The following PABPC4L variants were observed in gnomAD, a reference collection of about 807,000 sequenced individuals.
The protein encoded by PABPC4L is polyadenylate-binding protein 4-like.
For missense variants in PABPC4L, 452 were observed against 451.4 expected, an observed-to-expected ratio of 1.00 and a Z score of -0.01; for synonymous variants, 169 against 164.1, an observed-to-expected ratio of 1.03 and a Z score of -0.23.
At chr4:134,147,183 TAGAA>T in the PABPC4L span, among the ~76,000 whole-genome samples, 1 of 152,162 alleles carries the variant, frequency 6.6e-6, no homozygotes, top group African/African-American at 2.4e-5. Flanking sequence ...CAGCTTGTGT[TAGAA>T]AGCAACAACT....
chr4:133,985,439 A>C, the PABPC4L span, among the ~76,000 whole-genome samples: 1 of 152,046 alleles, frequency 6.6e-6, no homozygotes, highest in African/African-American at 2.4e-5. Context: ...TACCAGTATA[A>C]GAAGTTTCTC....
chr4:134,025,974 C>T, the PABPC4L span, among the ~76,000 whole-genome samples: 1 of 152,102 alleles, frequency 6.6e-6, no homozygotes, highest in Non-Finnish European at 1.5e-5. Flanking sequence ...AAAAGTAATA[C>T]ATTTTTCCAC....
chr4:134,126,467 A>G, the PABPC4L span, among the ~76,000 whole-genome samples: 1 of 152,002 alleles, frequency 6.6e-6, no homozygotes, highest in Non-Finnish European at 1.5e-5. Flanking sequence ...TAAATTCTTG[A>G]CTTCTTCAAA....
chr4:134,170,519 G>A, the PABPC4L span, among the ~76,000 whole-genome samples: 1 of 152,230 alleles, frequency 6.6e-6, no homozygotes, highest in Non-Finnish European at 1.5e-5. Context: ...CATCTGCTCA[G>A]GTTCTGGTGT....
chr4:134,020,166 G>A, the PABPC4L span, among the ~76,000 whole-genome samples: 6 of 152,050 alleles, frequency 3.9e-5, no homozygotes, highest in Non-Finnish European at 8.8e-5. Context: ...GGGTGAGTCC[G>A]CAGTGCAAAG....
chr4:134,050,822 A>T, the PABPC4L span, among the ~76,000 whole-genome samples: 1 of 151,164 alleles, frequency 6.6e-6, no homozygotes, highest in Non-Finnish European at 1.5e-5. Flanking sequence ...ACAAGCTATG[A>T]GTAGAAAAAT....
At chr4:134,175,418 A>AT in the PABPC4L span, among the ~76,000 whole-genome samples, 1 of 151,734 alleles carries the variant, frequency 6.6e-6, no homozygotes, top group Non-Finnish European at 1.5e-5. Flanking sequence ...AATTTAATTT[A>AT]TTTTTTAAAT....
the PABPC4L span, among the ~76,000 whole-genome samples, chr4:133,967,947 C>T: frequency 1.3e-5 from 2 of 152,100 alleles, no homozygotes; most frequent in African/African-American, 4.8e-5. Context: ...TAGAATACCC[C>T]CTTTCTCTGG....
At chr4:134,074,124 T>G in the PABPC4L span, among the ~76,000 whole-genome samples, 1 of 152,208 alleles carries the variant, frequency 6.6e-6, no homozygotes, top group Non-Finnish European at 1.5e-5. Flanking sequence ...TCTATTGCAT[T>G]GTCAGGATGC....
chr4:134,201,105 G>A lies in PABPC4L; in HGVS notation c.-86C>T, dbSNP rs1156361405. The stretch of plus-strand genomic sequence containing the variant: ...GGATACTAGGTCACAGCTTTGGCCC[G>A]GTTCAAGTGTGGAGGCCTCGGGATC... On this transcript the variant is annotated 5_prime_UTR_variant, in exon 2 of 2. Transcript: ENST00000421491. The A allele has an allele frequency of 6.4e-7, 1 of 1,550,704 alleles. No homozygotes were observed. Among genetic ancestry groups the A allele is most frequent in the Non-Finnish European group, 8.7e-7 (1 of 1,146,874 alleles).
chr4:134,166,588 C>T, the PABPC4L span, among the ~76,000 whole-genome samples: 4 of 152,154 alleles, frequency 2.6e-5, no homozygotes, highest in East Asian at 5.8e-4. Flanking sequence ...CTGAGGGTTA[C>T]AGGGTCTACT....
the PABPC4L span, among the ~76,000 whole-genome samples, chr4:134,160,565 T>C: frequency 1.3e-5 from 2 of 152,256 alleles, no homozygotes; most frequent in Non-Finnish European, 2.9e-5. Context: ...AAGACGTTGA[T>C]AAATGTCCAC....
At chr4:134,162,839 A>C in the PABPC4L span, among the ~76,000 whole-genome samples, 2 of 152,224 alleles carry the variant, frequency 1.3e-5, no homozygotes, top group Admixed American at 6.5e-5. Flanking sequence ...ACAAGGTATA[A>C]AGACCTCTGG....
the PABPC4L span, among the ~76,000 whole-genome samples, chr4:133,970,092 A>AT: frequency 6.8e-6 from 1 of 147,504 alleles, no homozygotes; most frequent in Non-Finnish European, 1.5e-5. Context: ...ATATTTAAAA[A>AT]ATATATATTT....
At chr4:134,151,913 T>A in the PABPC4L span, among the ~76,000 whole-genome samples, 1 of 151,798 alleles carries the variant, frequency 6.6e-6, no homozygotes, top group African/African-American at 2.4e-5. Context: ...AACTATATTA[T>A]CAGTTAAAAT....
chr4:134,003,830 G>T, the PABPC4L span, among the ~76,000 whole-genome samples: 2 of 151,856 alleles, frequency 1.3e-5, no homozygotes, highest in Admixed American at 1.3e-4. Context: ...AATGTTAAAC[G>T]GTTGAAAAAT....
chr4:133,997,711 A>G, the PABPC4L span, among the ~76,000 whole-genome samples: 1 of 152,170 alleles, frequency 6.6e-6, no homozygotes, highest in Non-Finnish European at 1.5e-5. Flanking sequence ...TGAGGAGTTA[A>G]GACTTCAGTG....
the PABPC4L span, among the ~76,000 whole-genome samples, chr4:134,055,391 G>A: frequency 6.6e-6 from 1 of 151,798 alleles, no homozygotes; most frequent in Non-Finnish European, 1.5e-5. Flanking sequence ...TCCCTGAACT[G>A]CACAGAGAAA....
chr4:134,053,488 T>C, the PABPC4L span, among the ~76,000 whole-genome samples: 3 of 152,088 alleles, frequency 2.0e-5, no homozygotes, highest in African/African-American at 7.2e-5. Context: ...GTAATAACCC[T>C]GTAGAGAATA....
Sources: allele counts gnomAD v4.1 joint callset (sites outside exome capture counted in the v4.1 genomes callset), GRCh38; gene constraint gnomAD v4.1.1; transcripts MANE v1.5; gene names NCBI Gene and HGNC (gene_info 2026-07-23, HGNC 2026-07-21).